Variants in P2RY11 observed in about 807,000 individuals in gnomAD.
The protein encoded by P2RY11 is purinergic receptor P2Y11.
P2RY11 carries 3 observed loss-of-function variants against 2.4 expected under a neutral mutation model. The observed-to-expected ratio is 1.22, with a 90% CI of 0.56 to 3.17. The LOEUF (loss-of-function observed/expected upper bound fraction) is 3.17, where lower values mean the gene tolerates loss of function less well. P2RY11 is among the 30% of genes most tolerant of loss of function. The pLI, the probability that P2RY11 is intolerant of heterozygous loss-of-function variation, is 0.03. For missense variants in P2RY11, 670 were observed against 528.2 expected, an observed-to-expected ratio of 1.27 and a Z score of -2.63; for synonymous variants, 307 against 237.3, an observed-to-expected ratio of 1.29 and a Z score of -2.70.
chr19:10,111,800 A>T, intron 1 of P2RY11, 60 bp downstream of exon 1: 1 of 1,597,200 alleles, frequency 6.3e-7, no homozygotes, highest in South Asian at 1.1e-5. Context: ...AGGTGGGGGT[A>T]GTGGGTATTG....
In P2RY11 at chr19:10,114,784, A is replaced by C; in HGVS notation, c.*46A>C. The C allele has an allele frequency of 6.4e-7, 1 of 1,552,614 alleles. No individual in the cohort carries two copies. ...CTCCTCACCCTAGGTGTTGCTGGAG[A>C]ACCCTGAGGGCAGGGCCCGAGCCCC... On this transcript the variant is annotated 3_prime_UTR_variant, in exon 2 of 2. Coordinates refer to ENST00000321826, the MANE Select transcript of P2RY11 (RefSeq NM_002566.5).
rs555102597 is a variant in P2RY11, at chr19:10,114,533, G to A, written c.920G>A (p.Arg307Gln). 3.0e-5 allele frequency: 48 copies of A among 1,611,302 alleles called. No individual in the cohort carries two copies. Among genetic ancestry groups the A allele is most frequent in the Admixed American group, 8.3e-5 (5 of 59,964 alleles). The change falls in exon 2 of 2, where the codon CGG becomes CAG. Residue 307 changes from arginine to glutamine, a missense_variant. By Grantham distance (43) the Arg-to-Gln change is conservative (BLOSUM62 1). Coordinates refer to ENST00000321826, the MANE Select transcript of P2RY11 (RefSeq NM_002566.5). ...LGPYVGYQVM[R>Q]GLMPLAFCVH... The stretch of plus-strand genomic sequence containing the variant: ...CCCTACGTGGGCTACCAGGTGATGC[G>A]GGGCCTCATGCCCCTGGCCTTCTGT...
Position 10,114,858 on chromosome 19 carries a change from A to C in P2RY11, c.*120A>C. On this transcript the variant is annotated 3_prime_UTR_variant, in exon 2 of 2. Transcript: ENST00000321826. ...CAACACCTGTGCTTGCAGCCAGGTC[A>C]GGCCCAGCTGCAGCCCAGGCAGGAG... 1 of 1,471,262 alleles carries C rather than the reference A, an allele frequency of 6.8e-7. No individual in the cohort carries two copies. The highest frequency in any genetic ancestry group is 9.0e-7 in the Non-Finnish European group (1 of 1,107,292). 91.1% of individuals were successfully genotyped at this position (1,471,262 alleles called of 1,614,324 possible).
At position 10,114,320 on chromosome 19, in the gene P2RY11, C is replaced by CG. The variant is rs2089193039; in HGVS notation, c.707_708insG (p.Gly237ArgfsTer127). Reference sequence around the variant, plus strand: ...CTCGGGCGGGCCGTGCTACGCAGCCCAGGCATGACTGTGGCCGAGAAGCTG... The same window carrying CG: ...CTCGGGCGGGCCGTGCTACGCAGCCCGAGGCATGACTGTGGCCGAGAAGCTG... On this transcript the variant is annotated frameshift_variant, in exon 2 of 2. Transcript: ENST00000321826. LOFTEE classifies it low-confidence loss of function (END_TRUNC). 6.3e-7 allele frequency: 1 copy of CG among 1,598,930 alleles called. No homozygotes were observed. The highest frequency in any genetic ancestry group is 1.3e-5 in the African/African-American group (1 of 74,864).
Position 10,113,680 on chromosome 19 carries a change from C to CG in P2RY11, c.67_68insG (p.Leu23ArgfsTer16). ...CTTCTTGGCAGCTGCCGACGACAAA[C>CG]TCAGTGGGTTCCAGGGGGACTTCCT... is the stretch of plus-strand genomic sequence containing the variant. On this transcript the variant is annotated frameshift_variant, in exon 2 of 2. Transcript: ENST00000321826. LOFTEE classifies it low-confidence loss of function (END_TRUNC). 3 of 1,597,444 alleles carry CG rather than the reference C, an allele frequency of 1.9e-6. No individual in the cohort carries two copies. Among genetic ancestry groups the CG allele is most frequent in the Non-Finnish European group, 2.6e-6 (3 of 1,170,408 alleles).
intron 1 of P2RY11, 53 bp from the exon 2 acceptor site, chr19:10,113,580 G>A: frequency 1.3e-6 from 2 of 1,557,468 alleles, no homozygotes; most frequent in Non-Finnish European, 1.7e-6. Flanking sequence ...TGGGGTAGCA[G>A]GAGCCGCCTT....
At chr19:10,113,067 G>A (rs371277582) in intron 1 of P2RY11, among the ~76,000 whole-genome samples, 85 of 151,852 alleles carry the variant, frequency 5.6e-4, no homozygotes, top group Non-Finnish European at 9.6e-4. Flanking sequence ...GGGGTATGGC[G>A]GGCGGGAGCG....
chr19:10,113,914 G>T lies in P2RY11; in HGVS notation c.301G>T (p.Ala101Ser). The T allele has an allele frequency of 6.2e-7, 1 of 1,605,498 alleles. No individual in the cohort carries two copies. Among genetic ancestry groups the T allele is most frequent in the Non-Finnish European group, 8.5e-7 (1 of 1,179,846 alleles). Residue 101 changes from alanine (A) to serine (S), a missense_variant, in exon 2 of 2, where the codon GCG becomes TCG. By Grantham distance (99) the Ala-to-Ser change is moderately conservative. Transcript: ENST00000321826. Reference sequence around the variant, plus strand: ...CAAGCACTGGCGCTATGGGGAGGCCGCGTGCCGCCTGGAGCGCTTCCTCTT... The same window carrying T: ...CAAGCACTGGCGCTATGGGGAGGCCTCGTGCCGCCTGGAGCGCTTCCTCTT... ...PPKHWRYGEA[A>S]CRLERFLFTC...
At chr19:10,113,558 G>C in intron 1 of P2RY11, 75 bp from the exon 2 acceptor site, 1 of 1,537,610 alleles carries the variant, frequency 6.5e-7, no homozygotes. Context: ...CGCCATGGCA[G>C]ACGTGGGCTC....
rs373508748 is a variant in P2RY11, at chr19:10,115,059, G to C, written c.*321G>C. 2 of 1,612,332 alleles carry C rather than the reference G, an allele frequency of 1.2e-6. No homozygotes were observed. The highest frequency in any genetic ancestry group is 1.7e-6 in the Non-Finnish European group (2 of 1,179,288). ...TATTGCCCTTGGAGCCCGCGCTCTCGGAGGCTGTCTTCTGTCGCCAAGGGT... is the reference window on the plus strand; with the variant it reads ...TATTGCCCTTGGAGCCCGCGCTCTCCGAGGCTGTCTTCTGTCGCCAAGGGT... On this transcript the variant is annotated 3_prime_UTR_variant, in exon 2 of 2. Coordinates refer to ENST00000321826, the MANE Select transcript of P2RY11 (RefSeq NM_002566.5).
At position 10,115,239 on chromosome 19, in the gene P2RY11, A is replaced by G; in HGVS notation, c.*501A>G. 2.1e-6 allele frequency: 3 copies of G among 1,415,318 alleles called. No homozygotes were observed. The highest frequency in any genetic ancestry group is 1.9e-6 in the Non-Finnish European group (2 of 1,037,594). The allele number at this position is 1,415,318 out of a possible 1,614,324, so 87.7% of individuals were successfully genotyped here. A position where few individuals can be genotyped will look rare whatever the true frequency, so the allele number is the denominator to read the frequency against. On this transcript the variant is annotated 3_prime_UTR_variant, in exon 2 of 2. Transcript: ENST00000321826. ...GGGCAGAGGACGGGGTAATGTGAGG[A>G]CGAAGCGGGCACGGAGCCAGATGGC...
Position 10,114,597 on chromosome 19 carries a change from G to A in P2RY11, c.984G>A (p.Leu328=), listed in dbSNP as rs1445354459. The change falls in exon 2 of 2, where the codon CTG becomes CTA. Residue 328 remains leucine, a synonymous_variant. Coordinates refer to ENST00000321826, the MANE Select transcript of P2RY11 (RefSeq NM_002566.5). ...TCTACATGGCCGCAGTGCCCAGCCT[G>A]GGCTGCTGCTGCCGACACTGCCCCG... ...PLLYMAAVPS[L]GCCCRHCPGY... 6.2e-7 allele frequency: 1 copy of A among 1,613,898 alleles called. No individual in the cohort carries two copies. Among genetic ancestry groups the A allele is most frequent in the East Asian group, 2.2e-5 (1 of 44,892 alleles).
At chr19:10,111,769 G>C in intron 1 of P2RY11, 29 bp downstream of exon 1, 3 of 1,613,114 alleles carry the variant, frequency 1.9e-6, no homozygotes, top group Non-Finnish European at 2.5e-6. Flanking sequence ...GGCTGTCTCT[G>C]GGGGTCTGCA....
Position 10,113,910 on chromosome 19 carries a change from G to A in P2RY11, c.297G>A (p.Glu99=). The change falls in exon 2 of 2, where the codon GAG becomes GAA. Residue 99 remains glutamate (E), a synonymous_variant. Coordinates refer to ENST00000321826, the MANE Select transcript of P2RY11 (RefSeq NM_002566.5). ...CCCCCAAGCACTGGCGCTATGGGGA[G>A]GCCGCGTGCCGCCTGGAGCGCTTCC... is the stretch of plus-strand genomic sequence containing the variant. The part of the protein sequence containing the change: ...LYPPKHWRYG[E]AACRLERFLF... The A allele has an allele frequency of 6.2e-7, 1 of 1,606,070 alleles. No individual in the cohort carries two copies. The highest frequency in any genetic ancestry group is 1.1e-5 in the South Asian group (1 of 91,090).
chr19:10,114,220 A>C lies in P2RY11; in HGVS notation c.607A>C (p.Arg203=). The C allele has an allele frequency of 3.1e-6, 5 of 1,599,878 alleles. No individual in the cohort carries two copies. Among genetic ancestry groups the C allele is most frequent in the Non-Finnish European group, 4.2e-6 (5 of 1,179,474 alleles). The part of the protein sequence containing the change: ...GTADHGLAAY[R]AYSLVLAGLG... The stretch of plus-strand genomic sequence containing the variant: ...AGCAGACCACGGGCTGGCGGCCTAC[A>C]GAGCGTATAGCCTGGTGCTGGCGGG... The change falls in exon 2 of 2, where the codon AGA becomes CGA. Residue 203 remains arginine (R), a synonymous_variant. Transcript: ENST00000321826.
Position 10,113,793 on chromosome 19 carries a change from A to G in P2RY11, c.180A>G (p.Pro60=), listed in dbSNP as rs748234227. ...LYRFSIRKQR[P]WHPAVVFSVQ... is the part of the protein sequence containing the mutation. ...GCTTCAGCATCCGGAAGCAGCGCCC[A>G]TGGCACCCCGCCGTGGTCTTCTCTG... Residue 60 remains proline, a synonymous_variant, in exon 2 of 2, where the codon CCA becomes CCG. Transcript: ENST00000321826. The G allele has an allele frequency of 6.2e-6, 10 of 1,613,802 alleles. No homozygotes were observed. In the South Asian group the frequency reaches 6.6e-5, roughly 11 times the overall value.
In P2RY11 at chr19:10,114,923, C is replaced by T; in HGVS notation, c.*185C>T. On this transcript the variant is annotated 3_prime_UTR_variant, in exon 2 of 2. Coordinates refer to ENST00000321826, the MANE Select transcript of P2RY11 (RefSeq NM_002566.5). ...ACCCACAGCGCTGGCCACAGGGCTC[C>T]CTGCAGGGTCAGGGACCAGACCACG... 7.2e-7 allele frequency: 1 copy of T among 1,389,106 alleles called. No homozygotes were observed. Among genetic ancestry groups the T allele is most frequent in the Non-Finnish European group, 9.8e-7 (1 of 1,019,368 alleles). The allele number at this position is 1,389,106 out of a possible 1,614,324, so 86.0% of individuals were successfully genotyped here.
Position 10,114,161 on chromosome 19 carries a change from C to T in P2RY11, c.548C>T (p.Ala183Val), listed in dbSNP as rs1217817330. 1.2e-6 allele frequency: 2 copies of T among 1,600,900 alleles called. No individual in the cohort carries two copies. The highest frequency in any genetic ancestry group is 1.7e-6 in the Non-Finnish European group (2 of 1,179,580). ...CAGGGGGCGGGCAACTGCAGCGTGG[C>T]CAGGCCCGAGGCCTGCATCAAGTGT... ...PQQGAGNCSV[A>V]RPEACIKCLG... The change falls in exon 2 of 2, where the codon GCC becomes GTC. Residue 183 changes from alanine to valine, a missense_variant. Ala to Val is a moderately conservative substitution (Grantham distance 64). Transcript: ENST00000321826.
rs138241238 is a variant in P2RY11, at chr19:10,114,584, C to T, written c.971C>T (p.Ala324Val). 49 of 1,613,736 alleles carry T rather than the reference C, an allele frequency of 3.0e-5. No individual in the cohort carries two copies. Among genetic ancestry groups the T allele is most frequent in the Non-Finnish European group, 4.1e-5 (48 of 1,179,986 alleles). The change falls in exon 2 of 2, where the codon GCA becomes GTA. Residue 324 changes from alanine to valine, a missense_variant. Ala to Val is a moderately conservative substitution (Grantham distance 64). Transcript: ENST00000321826. ...FCVHPLLYMA[A>V]VPSLGCCCRH... The stretch of plus-strand genomic sequence containing the variant: ...GTCCACCCTCTACTCTACATGGCCG[C>T]AGTGCCCAGCCTGGGCTGCTGCTGC...
Sources: gnomAD v4.1 joint callset for allele counts (sites outside exome capture counted in the v4.1 genomes callset) on GRCh38, gnomAD v4.1.1 for gene constraint, MANE v1.5 for transcripts, NCBI Gene and HGNC (gene_info 2026-07-23, HGNC 2026-07-21) for gene names.